ARHGAP28: variants seen among roughly 807,000 people sequenced by gnomAD.
ARHGAP28 encodes the protein rho GTPase-activating protein 28.
A neutral mutation model predicts 90.7 loss-of-function variants in ARHGAP28; 56 were observed. The observed-to-expected ratio is 0.62, with a 90% CI of 0.50 to 0.77. The LOEUF is 0.77. Among genes scored for constraint, ARHGAP28 ranks in the 30% least tolerant of loss-of-function variants. ARHGAP28 has a pLI of 0.00. For missense variants in ARHGAP28, 869 were observed against 900.9 expected (o/e 0.96, Z 0.45); for synonymous variants, 308 against 323.3 (o/e 0.95, Z 0.51).
At chr18:6,794,306 T>C (rs2056426495) in intron 1 of ARHGAP28, among the ~76,000 whole-genome samples, 1 of 152,230 alleles carries the variant, frequency 6.6e-6, no homozygotes, top group Non-Finnish European at 1.5e-5. Flanking sequence ...GTAGTGGCTT[T>C]GATTTATGTT....
In ARHGAP28 at chr18:6,875,219, CAT is replaced by C. The variant is rs1485906081; in HGVS notation, c.1213-911_1213-910del. Among the ~76,000 whole-genome samples, 3 of 152,184 alleles carry C rather than the reference CAT, an allele frequency of 2.0e-5. No individual in the cohort carries two copies. In the East Asian group the frequency reaches 5.8e-4, roughly 29 times the overall value. ...ATATGGATTTATATCATATTGGCAA[CAT>C]GTTAGCTGTTATTACTACTGGATGT... On this transcript the variant is annotated intron_variant, in intron 9 of 17. Coordinates refer to ENST00000383472, the MANE Select transcript of ARHGAP28 (RefSeq NM_001366230.1).
chr18:6,856,347 C>A (rs1033650007), intron 4 of ARHGAP28, among the ~76,000 whole-genome samples: 4 of 152,150 alleles, frequency 2.6e-5, no homozygotes, highest in African/African-American at 9.7e-5. Context: ...GCAATATAAT[C>A]TCAATTCAAA....
intron 1 of ARHGAP28, among the ~76,000 whole-genome samples, chr18:6,748,383 C>G (rs1277074333): frequency 6.6e-6 from 1 of 152,122 alleles, no homozygotes; most frequent in African/African-American, 2.4e-5. Context: ...TAGCTTTGAA[C>G]AAGTATAGGG....
intron 1 of ARHGAP28, among the ~76,000 whole-genome samples, chr18:6,810,030 AATGG>A (rs1245446246): frequency 6.6e-6 from 1 of 152,214 alleles, no homozygotes; most frequent in Non-Finnish European, 1.5e-5. Flanking sequence ...CCTCTGAATT[AATGG>A]ATACTTTGGA....
intron 10 of ARHGAP28, among the ~76,000 whole-genome samples, chr18:6,879,205 C>T (rs931416692): frequency 2.6e-5 from 4 of 152,118 alleles, no homozygotes; most frequent in Admixed American, 6.5e-5. Context: ...TCAAAAATGA[C>T]AGAAATTTGA....
At position 6,831,471 on chromosome 18, in the gene ARHGAP28, G is replaced by GTTTTTTTTTTTTTTTTTTTTT. The variant is rs57331018; in HGVS notation, c.326-5710_326-5709insTTTTTTTTTTTTTTTTTTTTT. ...ATACAGTTCATTTTTGTATCTTGAT[G>GTTTTTTTTTTTTTTTTTTTTT]TTTTTTTTTTTTTTTTCTTTTTTTT... On this transcript the variant is annotated intron_variant, in intron 2 of 17. Transcript: ENST00000383472. Among the ~76,000 whole-genome samples, 22 of 109,300 alleles carry GTTTTTTTTTTTTTTTTTTTTT rather than the reference G, an allele frequency of 2.0e-4. 1 individual carries two copies. The highest frequency in any genetic ancestry group is 3.8e-4 in the African/African-American group (11 of 28,706). 71.7% of individuals were successfully genotyped at this position (109,300 alleles called of 152,430 possible).
At chr18:6,820,243 T>A (rs1190485669) in intron 1 of ARHGAP28, among the ~76,000 whole-genome samples, 1 of 152,140 alleles carries the variant, frequency 6.6e-6, no homozygotes, top group Admixed American at 6.5e-5. Context: ...AAGAACTAAT[T>A]GGATATTCTT....
intron 2 of ARHGAP28, chr18:6,836,184 CAG>C (rs998067336): frequency 2.0e-5 from 3 of 152,326 alleles, no homozygotes; most frequent in Non-Finnish European, 2.9e-5. Flanking sequence ...AGGTGAGACA[CAG>C]AGGAGGCAAC....
At chr18:6,879,182 A>G (rs2057157586) in intron 10 of ARHGAP28, among the ~76,000 whole-genome samples, 1 of 152,172 alleles carries the variant, frequency 6.6e-6, no homozygotes, top group African/African-American at 2.4e-5. Context: ...TGGTGTTTGC[A>G]ATGATTTTCT....
intron 7 of ARHGAP28, among the ~76,000 whole-genome samples, chr18:6,872,301 A>G (rs1241987): frequency 0.57 from 86,186 of 152,118 alleles, 25,124 homozygotes; most frequent in African/African-American, 0.67. Context: ...ATGTGTTACT[A>G]TTATATGAGG....
intron 1 of ARHGAP28, among the ~76,000 whole-genome samples, chr18:6,803,111 CT>C: frequency 6.6e-6 from 1 of 152,222 alleles, no homozygotes; most frequent in Non-Finnish European, 1.5e-5. Context: ...TTGGTTAGAA[CT>C]TTTAGTACAA....
intron 1 of ARHGAP28, among the ~76,000 whole-genome samples, chr18:6,765,657 CTTAAT>C (rs2056194364): frequency 6.6e-6 from 1 of 152,040 alleles, no homozygotes; most frequent in Non-Finnish European, 1.5e-5. Context: ...TTACTTTTGA[CTTAAT>C]TTAATGCTCT....
chr18:6,898,290 G>GTT, intron 16 of ARHGAP28: 1 of 473,734 alleles, frequency 2.1e-6, no homozygotes, highest in Non-Finnish European at 3.7e-6. Context: ...GGCCTCAAAC[G>GTT]TTTTTTTTCT....
chr18:6,874,367 G>C (rs753606355), intron 9 of ARHGAP28, among the ~76,000 whole-genome samples: 1 of 152,168 alleles, frequency 6.6e-6, no homozygotes, highest in South Asian at 2.1e-4. Context: ...AGGAGGTTTC[G>C]AAAATGATAT....
At chr18:6,750,641 A>G (rs1308332334) in intron 1 of ARHGAP28, among the ~76,000 whole-genome samples, 1 of 152,196 alleles carries the variant, frequency 6.6e-6, no homozygotes, top group Non-Finnish European at 1.5e-5. Context: ...GTGTCACAAG[A>G]TGGTGGAGGA....
At chr18:6,740,413 C>T (rs756906319) in intron 1 of ARHGAP28, among the ~76,000 whole-genome samples, 1 of 152,078 alleles carries the variant, frequency 6.6e-6, no homozygotes, top group Non-Finnish European at 1.5e-5. Context: ...AGCCCTTGTC[C>T]CTCAGTGACC....
At chr18:6,785,961 C>G (rs989633499) in intron 1 of ARHGAP28, among the ~76,000 whole-genome samples, 16 of 152,156 alleles carry the variant, frequency 1.1e-4, no homozygotes, top group African/African-American at 3.9e-4. Context: ...TGTGTGTGTA[C>G]TGGGTAGAGA....
intron 1 of ARHGAP28, among the ~76,000 whole-genome samples, chr18:6,811,061 A>T (rs1600206596): frequency 1.3e-5 from 2 of 151,984 alleles, no homozygotes; most frequent in Admixed American, 6.6e-5. Context: ...CAAAATGAAT[A>T]CTCCTAGCCA....
intron 3 of ARHGAP28, among the ~76,000 whole-genome samples, chr18:6,847,630 G>GGGGT (rs1555632059): frequency 5.2e-4 from 78 of 150,400 alleles, no homozygotes; most frequent in Admixed American, 2.6e-3. Flanking sequence ...AGAGAGTGGG[G>GGGGT]GTGTGTGTGT....
Sources: allele counts gnomAD v4.1 joint callset (sites outside exome capture counted in the v4.1 genomes callset), GRCh38; gene constraint gnomAD v4.1.1; transcripts MANE v1.5; gene names NCBI Gene and HGNC (gene_info 2026-07-23, HGNC 2026-07-21).